The following LRRN3 variants were observed in gnomAD, a reference collection of about 807,000 sequenced individuals.
LRRN3 encodes leucine-rich repeat neuronal protein 3.
A neutral mutation model predicts 40.1 loss-of-function variants in LRRN3; 15 were observed. The observed-to-expected ratio is 0.37, with a 90% CI of 0.25 to 0.58. The LOEUF (loss-of-function observed/expected upper bound fraction) is 0.58, where lower values mean the gene tolerates loss of function less well. Among genes scored for constraint, LRRN3 ranks in the 20% least tolerant of loss-of-function variants. The pLI is 0.72. For missense variants in LRRN3, 746 were observed against 837.7 expected (o/e 0.89, Z 1.35); for synonymous variants, 308 against 297.2 (o/e 1.04, Z -0.37).
chr7:111,094,172 T>G (rs1422837739), intron 1 of LRRN3, among the ~76,000 whole-genome samples: 1 of 152,194 alleles, frequency 6.6e-6, no homozygotes, highest in Non-Finnish European at 1.5e-5. Context: ...GTAACATTCC[T>G]GTGTAACATG....
In LRRN3 at chr7:111,123,620, T is replaced by C; in HGVS notation, c.848T>C (p.Met283Thr). ...NRIRRGDFSN[M>T]LHLKELGINN... ...ATACGAAGGGGTGATTTTAGCAATA[T>C]GCTACACTTAAAAGAGTTGGGGATA... The change falls in exon 3 of 3, where the codon ATG (methionine) becomes ACG (threonine). Residue 283 changes from methionine to threonine, a missense_variant. Coordinates refer to ENST00000308478, the MANE Select transcript of LRRN3 (RefSeq NM_001099658.2). The surrounding 1 kb of genome is among the most constrained non-coding windows in gnomAD (Gnocchi z 6.4). 2 of 1,613,770 alleles carry C rather than the reference T, an allele frequency of 1.2e-6. No homozygotes were observed.
intron 1 of LRRN3, chr7:111,097,092 T>G (rs1797479881): frequency 6.6e-6 from 1 of 151,902 alleles, no homozygotes; most frequent in Admixed American, 6.6e-5. Flanking sequence ...ATCACCACTT[T>G]TTGCATGTTT....
chr7:111,120,196 T>C (rs1328131907), intron 2 of LRRN3, among the ~76,000 whole-genome samples: 1 of 152,170 alleles, frequency 6.6e-6, no homozygotes, highest in Admixed American at 6.6e-5. Context: ...GTCTTTGTGT[T>C]ACTGATTGCA....
rs561562910 is a variant in LRRN3 at position 111,118,105 on chromosome 7, C to A, written c.-358-4310C>A. Among the ~76,000 whole-genome samples the A allele has an allele frequency of 1.2e-3, 178 of 152,226 alleles. 1 individual carries two copies. The highest frequency in any genetic ancestry group is 2.2e-3 in the Admixed American group (34 of 15,284). ...AAGCATTCTCTCCTTTGTGCATCCA[C>A]AGAGCATTGCACACATTTTTATTGT... On this transcript the variant is annotated intron_variant, in intron 2 of 2. Coordinates refer to ENST00000308478, the MANE Select transcript of LRRN3 (RefSeq NM_001099658.2).
chr7:111,091,726 A>G (rs1796884437), intron 1 of LRRN3, among the ~76,000 whole-genome samples: 1 of 151,974 alleles, frequency 6.6e-6, no homozygotes, highest in Non-Finnish European at 1.5e-5. Context: ...GCATTTTACT[A>G]GCTTGAATGC....
chr7:111,118,047 C>T lies in LRRN3; in HGVS notation c.-358-4368C>T, dbSNP rs552708946. 1.8e-4 allele frequency among the ~76,000 whole-genome samples: 28 copies of T among 152,220 alleles called. No homozygotes were observed. The South Asian group carries it at 5.0e-3, about 27-fold the overall frequency. On this transcript the variant is annotated intron_variant, in intron 2 of 2. Coordinates refer to ENST00000308478, the MANE Select transcript of LRRN3 (RefSeq NM_001099658.2). ...ATAAGTATCACAAAAGACCACAGAA[C>T]ATTCATGTTGCTCCTTTTGGAGGAA...
intron 2 of LRRN3, among the ~76,000 whole-genome samples, chr7:111,108,135 T>A (rs897123058): frequency 1.8e-4 from 27 of 151,020 alleles, no homozygotes; most frequent in Non-Finnish European, 7.4e-5. Flanking sequence ...CCAGTCTGGG[T>A]TTGGAGACAA....
At chr7:111,112,978 T>C (rs546628162) in intron 2 of LRRN3, among the ~76,000 whole-genome samples, 2 of 152,320 alleles carry the variant, frequency 1.3e-5, no homozygotes, top group South Asian at 4.2e-4. Context: ...TCTCAATTCT[T>C]AGTAAAAACG....
intron 2 of LRRN3, among the ~76,000 whole-genome samples, chr7:111,100,453 A>G (rs1797853059): frequency 6.8e-6 from 1 of 148,044 alleles, no homozygotes; most frequent in Non-Finnish European, 1.5e-5. Flanking sequence ...ATATATTAAA[A>G]TATTTATAAC....
Position 111,123,462 on chromosome 7 carries a change from C to A in LRRN3, c.690C>A (p.Asn230Lys). 6.2e-7 allele frequency: 1 copy of A among 1,613,638 alleles called. No individual in the cohort carries two copies. The highest frequency in any genetic ancestry group is 8.5e-7 in the Non-Finnish European group (1 of 1,179,840). ...AGINLTEIPD[N>K]ALVGLENLES... ...TAAACCTCACAGAAATACCAGATAACGCCTTGGTTGGACTGGAAAACTTAG... is the reference window on the plus strand; with the variant it reads ...TAAACCTCACAGAAATACCAGATAAAGCCTTGGTTGGACTGGAAAACTTAG... Residue 230 changes from asparagine to lysine, a missense_variant, in exon 3 of 3, where the codon AAC becomes AAA. Coordinates refer to ENST00000308478, the MANE Select transcript of LRRN3 (RefSeq NM_001099658.2). This position sits in a 1 kb window ranked among gnomAD's most constrained non-coding sequence, Gnocchi z 6.4.
intron 2 of LRRN3, among the ~76,000 whole-genome samples, chr7:111,121,950 T>C (rs1434388230): frequency 1.3e-5 from 2 of 151,746 alleles, no homozygotes; most frequent in African/African-American, 4.8e-5. Flanking sequence ...AAGCTGGAAA[T>C]CATCATTCTC....
At chr7:111,103,209 A>C (rs187838047) in intron 2 of LRRN3, among the ~76,000 whole-genome samples, 2 of 151,712 alleles carry the variant, frequency 1.3e-5, no homozygotes, top group African/African-American at 2.4e-5. Context: ...TCATCTCAAA[A>C]AACCTGTATT....
chr7:111,121,714 G>C (rs1412280641), intron 2 of LRRN3, among the ~76,000 whole-genome samples: 3 of 152,146 alleles, frequency 2.0e-5, no homozygotes, highest in Non-Finnish European at 4.4e-5. Flanking sequence ...ATTTGACCCA[G>C]CCAACCCATT....
At chr7:111,105,536 G>T (rs904332933) in intron 2 of LRRN3, among the ~76,000 whole-genome samples, 1 of 151,830 alleles carries the variant, frequency 6.6e-6, no homozygotes, top group Non-Finnish European at 1.5e-5. Flanking sequence ...TCACAAAAAT[G>T]GGTTGCTGTA....
intron 2 of LRRN3, among the ~76,000 whole-genome samples, chr7:111,101,622 T>TA (rs1221236783): frequency 3.7e-4 from 56 of 151,670 alleles, no homozygotes; most frequent in African/African-American, 1.3e-3. Flanking sequence ...ATAGGTATAC[T>TA]GTCTTGTATA....
At chr7:111,100,794 C>A (rs1263364438) in intron 2 of LRRN3, among the ~76,000 whole-genome samples, 2 of 151,436 alleles carry the variant, frequency 1.3e-5, no homozygotes, top group Non-Finnish European at 3.0e-5. Flanking sequence ...AGATCTTTAT[C>A]ATTTCTTAGG....
At chr7:111,115,168 G>A (rs1489920523) in intron 2 of LRRN3, among the ~76,000 whole-genome samples, 1 of 152,076 alleles carries the variant, frequency 6.6e-6, no homozygotes, top group African/African-American at 2.4e-5. Context: ...AGGCAAATCA[G>A]GCAATCAAAC....
intron 2 of LRRN3, among the ~76,000 whole-genome samples, chr7:111,108,013 T>C (rs755836702): frequency 1.3e-5 from 2 of 152,140 alleles, no homozygotes; most frequent in African/African-American, 4.8e-5. Flanking sequence ...CTTAACCGAG[T>C]ATATATGGCT....
At chr7:111,119,832 A>G (rs1331293470) in intron 2 of LRRN3, among the ~76,000 whole-genome samples, 1 of 152,166 alleles carries the variant, frequency 6.6e-6, no homozygotes, top group Non-Finnish European at 1.5e-5. Context: ...GGAAAGGATC[A>G]AGGAAATGCC....
Sources: gnomAD v4.1 joint callset for allele counts (sites outside exome capture counted in the v4.1 genomes callset) on GRCh38, gnomAD v4.1.1 for gene constraint, Gnocchi (gnomAD v3.1) non-coding constraint, MANE v1.5 for transcripts, NCBI Gene and HGNC (gene_info 2026-07-23, HGNC 2026-07-21) for gene names.